The following ZNF407 variants were observed in gnomAD, a reference collection of about 807,000 sequenced individuals.
ZNF407 encodes zinc finger protein 407.
Under a neutral mutation model 131.2 loss-of-function variants are expected in ZNF407, and 17 were observed. The observed-to-expected ratio is 0.13, with a 90% CI of 0.09 to 0.19. The LOEUF is 0.19. Ranked by LOEUF, ZNF407 falls within the 10% of genes least tolerant of loss-of-function variation. The pLI, the probability that ZNF407 is intolerant of heterozygous loss-of-function variation, is 1.00. For missense variants in ZNF407, 2,681 were observed against 2,830.6 expected, an observed-to-expected ratio of 0.95 and a Z score of 1.20; for synonymous variants, 1,156 against 1,062.0, an observed-to-expected ratio of 1.09 and a Z score of -1.72.
intron 4 of ZNF407, among the ~76,000 whole-genome samples, chr18:74,873,157 T>C (rs2145175209): frequency 6.6e-6 from 1 of 152,356 alleles, no homozygotes; most frequent in African/African-American, 2.4e-5. Context: ...GACAGTGCTA[T>C]TAATCCTATA....
chr18:74,642,776 A>G (rs907995005), intron 3 of ZNF407, among the ~76,000 whole-genome samples: 1 of 152,116 alleles, frequency 6.6e-6, no homozygotes, highest in Non-Finnish European at 1.5e-5. Flanking sequence ...ATCGAGTTTT[A>G]TACTGTCTTC....
chr18:74,796,373 T>A (rs1296152453), intron 4 of ZNF407, among the ~76,000 whole-genome samples: 1 of 152,236 alleles, frequency 6.6e-6, no homozygotes, highest in Non-Finnish European at 1.5e-5. Context: ...AATAGGCTTG[T>A]GGATTAGCCC....
At position 74,632,337 on chromosome 18, in the gene ZNF407, G is replaced by A; in HGVS notation, c.1318G>A (p.Ala440Thr). The A allele has an allele frequency of 1.2e-6, 2 of 1,613,988 alleles. No homozygotes were observed. The highest frequency in any genetic ancestry group is 1.7e-6 in the Non-Finnish European group (2 of 1,179,894). Residue 440 changes from alanine to threonine, a missense_variant, in exon 2 of 9, where the codon GCA becomes ACA. Physicochemically the swap from Ala to Thr is moderately conservative, Grantham distance 58 (BLOSUM62 0). This residue lies in a region of ZNF407 where 1,789 missense variants were observed against 1,748.7 expected (regional missense o/e 1.02). Coordinates refer to ENST00000299687, the MANE Select transcript of ZNF407 (RefSeq NM_017757.3). ...CAGCACTTTCACCTTGAAGGGCCAG[G>A]CAAAGAAAAGGTTTAATCTTTTAGG... Reference protein sequence around the residue: ...RSSTFTLKGQAKKRFNLLGIK... With the variant: ...RSSTFTLKGQTKKRFNLLGIK...
chr18:74,925,760 A>G (rs760628070), intron 8 of ZNF407, among the ~76,000 whole-genome samples: 9 of 152,262 alleles, frequency 5.9e-5, no homozygotes, highest in Non-Finnish European at 1.0e-4. Context: ...TAAACCAATT[A>G]TTACTTCAAC....
chr18:74,917,895 T>G (rs1971794157), intron 7 of ZNF407, among the ~76,000 whole-genome samples: 1 of 152,220 alleles, frequency 6.6e-6, no homozygotes, highest in Admixed American at 6.5e-5. Flanking sequence ...ACAGTACTAA[T>G]TAAGTACAGT....
At chr18:75,062,259 A>G (rs1041807044) in intron 8 of ZNF407, 2 of 152,256 alleles carry the variant, frequency 1.3e-5, no homozygotes, top group African/African-American at 4.8e-5. Context: ...CTTTCCCTGA[A>G]TATTCTTTCC....
At chr18:74,961,113 T>A (rs1972338943) in intron 8 of ZNF407, among the ~76,000 whole-genome samples, 1 of 152,110 alleles carries the variant, frequency 6.6e-6, no homozygotes, top group Non-Finnish European at 1.5e-5. Flanking sequence ...TAGGAGAAGG[T>A]GCTGCTTTCC....
chr18:75,029,842 TTCAAAC>T (rs1973218957), intron 8 of ZNF407, among the ~76,000 whole-genome samples: 1 of 152,206 alleles, frequency 6.6e-6, no homozygotes, highest in South Asian at 2.1e-4. Flanking sequence ...AAGAAATAGC[TTCAAAC>T]TCAAAGTCCA....
intron 8 of ZNF407, among the ~76,000 whole-genome samples, chr18:74,997,860 A>C (rs964653071): frequency 1.3e-5 from 2 of 152,320 alleles, no homozygotes; most frequent in South Asian, 4.1e-4. Flanking sequence ...CCACAATACT[A>C]GCCATTTCTT....
intron 4 of ZNF407, among the ~76,000 whole-genome samples, chr18:74,788,664 C>G (rs960050123): frequency 4.1e-5 from 6 of 146,294 alleles, no homozygotes; most frequent in Non-Finnish European, 7.5e-5. Context: ...TAGAAATTAT[C>G]ATGCTAGAGG....
At chr18:74,776,637 C>A (rs1337944583) in intron 3 of ZNF407, among the ~76,000 whole-genome samples, 2 of 152,064 alleles carry the variant, frequency 1.3e-5, no homozygotes, top group Non-Finnish European at 2.9e-5. Context: ...GAACAGTCAT[C>A]CATAGGAAAC....
At chr18:75,055,512 A>G (rs1382155016) in intron 8 of ZNF407, among the ~76,000 whole-genome samples, 1 of 152,230 alleles carries the variant, frequency 6.6e-6, no homozygotes, top group Non-Finnish European at 1.5e-5. Flanking sequence ...ATCTTCATGC[A>G]TGAAAATGAT....
chr18:75,062,712 T>G, intron 8 of ZNF407: 1 of 155,110 alleles, frequency 6.4e-6, no homozygotes, highest in East Asian at 1.9e-4. Context: ...ATATATAATA[T>G]TTGGTCATTA....
intron 3 of ZNF407, among the ~76,000 whole-genome samples, chr18:74,763,917 G>T (rs1485384049): frequency 1.3e-5 from 2 of 151,364 alleles, no homozygotes; most frequent in African/African-American, 4.8e-5. Flanking sequence ...GTTTCACCGT[G>T]TTAGCCAGGA....
At chr18:74,823,026 G>A (rs1970362045) in intron 4 of ZNF407, among the ~76,000 whole-genome samples, 2 of 152,080 alleles carry the variant, frequency 1.3e-5, no homozygotes, top group African/African-American at 4.8e-5. Flanking sequence ...TCTCTTTGTA[G>A]CGATTGTGAA....
intron 8 of ZNF407, among the ~76,000 whole-genome samples, chr18:74,963,207 A>G (rs1230065180): frequency 6.9e-6 from 1 of 144,506 alleles, no homozygotes; most frequent in Non-Finnish European, 1.5e-5. Flanking sequence ...GCAACAAACC[A>G]TTGGGTTATG....
chr18:74,779,766 C>T (rs1374993660), intron 3 of ZNF407, among the ~76,000 whole-genome samples: 4 of 152,056 alleles, frequency 2.6e-5, no homozygotes, highest in African/African-American at 9.6e-5. Flanking sequence ...ATTTTGTTTT[C>T]TATTAAAAAC....
intron 4 of ZNF407, among the ~76,000 whole-genome samples, chr18:74,809,660 C>T (rs1415692612): frequency 2.0e-5 from 3 of 152,056 alleles, no homozygotes; most frequent in South Asian, 2.1e-4. Flanking sequence ...TTAGGCTTAT[C>T]GATAATACAA....
At chr18:74,940,015 T>G (rs1449702636) in intron 8 of ZNF407, among the ~76,000 whole-genome samples, 2 of 152,212 alleles carry the variant, frequency 1.3e-5, no homozygotes, top group Non-Finnish European at 2.9e-5. Context: ...TTCATGAGAA[T>G]TAGCTTATTA....
Sources: allele counts gnomAD v4.1 joint callset (sites outside exome capture counted in the v4.1 genomes callset), GRCh38; gene constraint gnomAD v4.1.1; regional missense constraint gnomAD v4.1.1; transcripts MANE v1.5; gene names NCBI Gene and HGNC (gene_info 2026-07-23, HGNC 2026-07-21).